Variants in TAF7L observed in about 807,000 individuals in gnomAD.
The protein encoded by TAF7L is TATA-box binding protein associated factor 7 like, also known as transcription initiation factor TFIID subunit 7-like.
Under a neutral mutation model 30.2 loss-of-function variants are expected in TAF7L, and 6 were observed. The ratio of observed to expected loss-of-function variants is 0.20; its 90% CI spans 0.11 to 0.39. The LOEUF (loss-of-function observed/expected upper bound fraction) is 0.39. TAF7L is among the 10% of genes least tolerant of loss of function. The pLI, the probability that TAF7L is intolerant of heterozygous loss-of-function variation, is 1.00. For synonymous variants in TAF7L, 93 were observed against 94.5 expected (o/e 0.98, Z 0.09); for missense variants, 284 against 277.1 (o/e 1.03, Z -0.18).
chrX:101,286,466 C>A, intron 3 of TAF7L, 109 bp downstream of exon 3: 2 of 520,557 alleles, frequency 3.8e-6, no homozygotes, highest in Non-Finnish European at 6.2e-6. Flanking sequence ...AGTCAGAGAC[C>A]ATATTCTATC....
At chrX:101,276,198 A>T in intron 10 of TAF7L, 86 bp from the exon 11 acceptor site, 1 of 1,177,865 alleles carries the variant, frequency 8.5e-7, no homozygotes, top group Non-Finnish European at 1.1e-6. Context: ...TCTACTACAC[A>T]TCGAAGCGAT....
chrX:101,292,968 A>G (rs1220468551), upstream of TAF7L: 4 of 1,210,791 alleles, frequency 3.3e-6, no homozygotes, highest in Non-Finnish European at 1.1e-6. Context: ...CTTGTTGGCT[A>G]GTTACTTCCG....
chrX:101,279,953 AAAC>A lies in TAF7L; in HGVS notation c.463-921_463-919del, dbSNP rs1280465146. 1.0e-4 allele frequency among the ~76,000 whole-genome samples: 11 copies of A among 110,495 alleles called. No individual in the cohort carries two copies. In the South Asian group the frequency reaches 3.0e-3, roughly 30 times the overall value. Reference sequence around the variant, plus strand: ...AAAAACAAACAAACAAACAAAAACAAAACAACAACAACAACAAAAAAAAAACCT... The same window carrying A: ...AAAAACAAACAAACAAACAAAAACAAAACAACAACAACAAAAAAAAAACCT... On this transcript the variant is annotated intron_variant, in intron 6 of 12. Transcript: ENST00000356784.
At chrX:101,274,147 T>C (rs1476397308) in intron 12 of TAF7L, among the ~76,000 whole-genome samples, 1 of 112,008 alleles carries the variant, frequency 8.9e-6, no homozygotes, top group South Asian at 3.7e-4. Flanking sequence ...TCTTAGAAAC[T>C]GCAACTTTAA....
intron 1 of TAF7L, among the ~76,000 whole-genome samples, chrX:101,289,331 G>T (rs1383781041): frequency 1.8e-5 from 2 of 111,919 alleles, no homozygotes; most frequent in Non-Finnish European, 3.8e-5. Context: ...CTTAGCTATT[G>T]TAATGCTGCA....
chrX:101,292,821 G>A (rs1406296215), upstream of TAF7L: 1 of 1,210,647 alleles, frequency 8.3e-7, no homozygotes, highest in East Asian at 3.0e-5. Context: ...CTGGGGCCTG[G>A]GCAGCAGCCT....
upstream of TAF7L, among the ~76,000 whole-genome samples, chrX:101,291,531 C>A (rs1924804871): frequency 8.9e-6 from 1 of 112,376 alleles, no homozygotes. Context: ...GAGGGGGACG[C>A]GACTGCTCAG....
chrX:101,292,884 G>A, upstream of TAF7L: 1 of 1,211,441 alleles, frequency 8.3e-7, no homozygotes, highest in African/African-American at 1.7e-5. Context: ...GAATCTGGGT[G>A]CCTTCGTCGC....
intron 2 of TAF7L, 105 bp downstream of exon 2, chrX:101,287,373 G>C: frequency 1.5e-6 from 1 of 660,288 alleles, no homozygotes; most frequent in South Asian, 3.1e-5. Context: ...AATGTTCTGA[G>C]TTTTTATAGC....
Position 101,286,575 on chromosome X carries a change from G to A in TAF7L, c.145C>T (p.Pro49Ser), listed in dbSNP as rs149116664. The A allele has an allele frequency of 4.8e-5, 57 of 1,187,534 alleles. No individual in the cohort carries two copies. The highest frequency in any genetic ancestry group is 4.6e-4 in the African/African-American group (26 of 56,857). The change falls in exon 3 of 13, where the codon CCT (proline) becomes TCT (serine). Residue 49 changes from proline (P) to serine (S), a missense_variant and splice_region_variant. Coordinates refer to ENST00000356784, the MANE Select transcript of TAF7L (RefSeq NM_001168474.2). ...MKDKLKIDLLPDGRHAVVEVE... is the reference protein window; with the variant it reads ...MKDKLKIDLLSDGRHAVVEVE... ...TAGTGAATGGATATTAACTACTTAC[G>A]CAATAAGTCAATTTTTAGTTTATCC...
upstream of TAF7L, chrX:101,291,383 C>A (rs996136095): frequency 3.2e-5 from 18 of 561,822 alleles, no homozygotes; most frequent in South Asian, 9.3e-5. Flanking sequence ...GCCGGCCCCT[C>A]CCCGCCTCGC....
intron 1 of TAF7L, among the ~76,000 whole-genome samples, chrX:101,288,141 G>A (rs775903782): frequency 6.5e-5 from 7 of 108,039 alleles, no homozygotes; most frequent in Non-Finnish European, 1.3e-4. Flanking sequence ...TAGGAGTCCA[G>A]TTCTTTTTTT....
intron 6 of TAF7L, among the ~76,000 whole-genome samples, chrX:101,280,181 C>T (rs974868887): frequency 9.0e-6 from 1 of 111,135 alleles, no homozygotes; most frequent in Admixed American, 9.6e-5. Context: ...AACTTTTGCT[C>T]TCTGAAAGAC....
chrX:101,275,653 A>T (rs1373873815), intron 11 of TAF7L, among the ~76,000 whole-genome samples: 1 of 111,329 alleles, frequency 9.0e-6, no homozygotes, highest in Non-Finnish European at 1.9e-5. Context: ...TTCTTTATCT[A>T]TAAAATGGGA....
chrX:101,287,829 T>C (rs1012212708), intron 1 of TAF7L: 1 of 224,131 alleles, frequency 4.5e-6, no homozygotes, highest in Non-Finnish European at 8.0e-6. Flanking sequence ...TTATGAAACA[T>C]GATTTCGTCT....
At chrX:101,272,861 C>T (rs747914799) in intron 12 of TAF7L, among the ~76,000 whole-genome samples, 28 of 111,113 alleles carry the variant, frequency 2.5e-4, no homozygotes, top group South Asian at 1.5e-3. Context: ...CTGCTCACTG[C>T]AACCTCTGCC....
intron 10 of TAF7L, 72 bp downstream of exon 10, chrX:101,276,235 A>C: frequency 1.7e-6 from 2 of 1,198,904 alleles, no homozygotes; most frequent in Non-Finnish European, 2.2e-6. Flanking sequence ...CTTTGAGTCT[A>C]ATGTATGCTT....
At chrX:101,275,560 G>A (rs965558884) in intron 11 of TAF7L, among the ~76,000 whole-genome samples, 5 of 109,416 alleles carry the variant, frequency 4.6e-5, no homozygotes, top group African/African-American at 1.0e-4. Context: ...TAGAGATGAG[G>A]TTTCATCTCT....
chrX:101,284,813 A>G (rs1027630223), intron 3 of TAF7L, among the ~76,000 whole-genome samples: 3 of 109,201 alleles, frequency 2.7e-5, no homozygotes, highest in African/African-American at 1.0e-4. Flanking sequence ...AGCAAAATTT[A>G]TTTATTTTTG....
Sources: allele counts gnomAD v4.1 joint callset (sites outside exome capture counted in the v4.1 genomes callset), GRCh38; gene constraint gnomAD v4.1.1; transcripts MANE v1.5; gene names NCBI Gene and HGNC (gene_info 2026-07-23, HGNC 2026-07-21).